CHRM2: variants seen among roughly 807,000 people sequenced by gnomAD.
CHRM2 encodes the protein cholinergic receptor muscarinic 2.
A neutral mutation model predicts 25.0 loss-of-function variants in CHRM2; 8 were observed. That is an observed-to-expected ratio of 0.32 (90% confidence interval 0.19 to 0.58). The LOEUF (loss-of-function observed/expected upper bound fraction) is 0.58. CHRM2 is among the 20% of genes least tolerant of loss of function. The probability of loss-of-function intolerance (pLI) is 0.88; values close to 1 mark genes in which losing one functional copy is unlikely to be tolerated. For synonymous variants in CHRM2, 202 were observed against 205.7 expected (o/e 0.98, Z 0.15); for missense variants, 440 against 567.1 (o/e 0.78, Z 2.28).
rs369225023 is a variant in CHRM2, at chr7:136,909,130, T to G, written c.-125+39712T>G. 5.9e-5 allele frequency among the ~76,000 whole-genome samples: 9 copies of G among 151,970 alleles called. No individual in the cohort carries two copies. The South Asian group carries it at 1.7e-3, about 28-fold the overall frequency. On this transcript the variant is annotated intron_variant, in intron 2 of 3. Transcript: ENST00000680005. ...GACATACATGAATCCCACTGGAATT[T>G]CATCTCATTGACATGGGAATTATTC...
rs1228288400 is a variant in CHRM2, at chr7:137,016,033, T to C, written c.1168T>C (p.Leu390=). 2 of 1,612,842 alleles carry C rather than the reference T, an allele frequency of 1.2e-6. No individual in the cohort carries two copies. The highest frequency in any genetic ancestry group is 1.7e-6 in the Non-Finnish European group (2 of 1,179,414). Residue 390 remains leucine, a synonymous_variant, in exon 4 of 4, where the codon TTG becomes CTG. Coordinates refer to ENST00000680005, the MANE Select transcript of CHRM2 (RefSeq NM_001006630.2). ...GGAAAAGAAAGTCACCAGGACAATC[T>C]TGGCTATTCTGTTGGCTTTCATCAT... ...SREKKVTRTI[L]AILLAFIITW...
chr7:136,940,330 G>A (rs1430538918), intron 2 of CHRM2, among the ~76,000 whole-genome samples: 1 of 152,212 alleles, frequency 6.6e-6, no homozygotes, highest in Non-Finnish European at 1.5e-5. Context: ...GCGTTGAACA[G>A]ATCAGAGAGG....
At chr7:136,938,898 A>C in intron 2 of CHRM2, among the ~76,000 whole-genome samples, 1 of 101,738 alleles carries the variant, frequency 9.8e-6, no homozygotes, top group African/African-American at 4.4e-5. Context: ...CCAAAATAAA[A>C]CTTCAGCTAG....
chr7:136,973,324 G>A (rs1285121945), intron 2 of CHRM2, among the ~76,000 whole-genome samples: 1 of 109,694 alleles, frequency 9.1e-6, no homozygotes. Flanking sequence ...ATGGTGGCAG[G>A]TGATGGTGAC....
chr7:136,881,604 A>G (rs1431632445), intron 2 of CHRM2, among the ~76,000 whole-genome samples: 1 of 151,938 alleles, frequency 6.6e-6, no homozygotes, highest in Non-Finnish European at 1.5e-5. Flanking sequence ...TCTTCCTTTA[A>G]CCCACCATAT....
At position 137,015,538 on chromosome 7, in the gene CHRM2, G is replaced by T. The variant is rs1161870506; in HGVS notation, c.673G>T (p.Val225Phe). 1 of 1,612,872 alleles carries T rather than the reference G, an allele frequency of 6.2e-7. No individual in the cohort carries two copies. The highest frequency in any genetic ancestry group is 1.3e-5 in the African/African-American group (1 of 74,852). The change falls in exon 4 of 4, where the codon GTT becomes TTT. Residue 225 changes from valine (V) to phenylalanine (F), a missense_variant. Physicochemically the swap from Val to Phe is conservative, Grantham distance 50. Around this residue, in one of 5 missense-constraint regions of CHRM2, gnomAD observed 261 missense variants for 261.8 expected, o/e 1.00. Transcript: ENST00000680005. This position sits in a 1 kb window ranked among gnomAD's most constrained non-coding sequence, Gnocchi z 5.1. ...GATAAAGAAGGACAAGAAGGAGCCT[G>T]TTGCCAACCAAGACCCCGTTTCTCC... The part of the protein sequence containing the change: ...SRIKKDKKEP[V>F]ANQDPVSPSL...
chr7:136,885,640 A>T (rs1796433890), intron 2 of CHRM2, among the ~76,000 whole-genome samples: 1 of 152,224 alleles, frequency 6.6e-6, no homozygotes, highest in Admixed American at 6.5e-5. Context: ...TATACTAGAC[A>T]TCTAGGATAC....
intron 2 of CHRM2, among the ~76,000 whole-genome samples, chr7:136,977,136 T>C (rs1047268987): frequency 2.0e-5 from 3 of 152,210 alleles, no homozygotes; most frequent in African/African-American, 7.2e-5. Context: ...ATGGCTTCCC[T>C]CTAAAGCAGA....
intron 2 of CHRM2, chr7:136,902,194 T>A (rs1797253282): frequency 6.7e-6 from 1 of 148,154 alleles, no homozygotes; most frequent in Non-Finnish European, 1.5e-5. Context: ...AACTCATCTA[T>A]CTATCTATCG....
intron 2 of CHRM2, among the ~76,000 whole-genome samples, chr7:136,934,669 T>C (rs190474949): frequency 6.6e-6 from 1 of 152,162 alleles, no homozygotes; most frequent in East Asian, 1.9e-4. Context: ...AAAAAAGATA[T>C]TGGAAGGATA....
At chr7:136,978,610 C>T (rs934377456) in intron 2 of CHRM2, among the ~76,000 whole-genome samples, 1 of 152,120 alleles carries the variant, frequency 6.6e-6, no homozygotes, top group African/African-American at 2.4e-5. Flanking sequence ...TTGACCCACA[C>T]CCCCCGACAG....
At chr7:136,892,352 T>C (rs1474279486) in intron 2 of CHRM2, among the ~76,000 whole-genome samples, 1 of 152,214 alleles carries the variant, frequency 6.6e-6, no homozygotes, top group Non-Finnish European at 1.5e-5. Context: ...TCTATAATTC[T>C]TCAATGAGAT....
At chr7:136,941,176 G>T (rs1199693816) in intron 2 of CHRM2, among the ~76,000 whole-genome samples, 1 of 152,050 alleles carries the variant, frequency 6.6e-6, no homozygotes, top group African/African-American at 2.4e-5. Flanking sequence ...AAATACTACC[G>T]CTGTTATATC....
At chr7:136,987,550 T>C (rs1802940577) in intron 2 of CHRM2, among the ~76,000 whole-genome samples, 1 of 152,240 alleles carries the variant, frequency 6.6e-6, no homozygotes, top group Non-Finnish European at 1.5e-5. Context: ...TTACTTAACA[T>C]GGTCCTCACA....
chr7:136,882,892 T>C (rs1034953451), intron 2 of CHRM2, among the ~76,000 whole-genome samples: 7 of 152,176 alleles, frequency 4.6e-5, no homozygotes, highest in Non-Finnish European at 8.8e-5. Flanking sequence ...ACATTGCATA[T>C]GATTTAAACA....
chr7:136,941,555 C>T (rs951668514), intron 2 of CHRM2, among the ~76,000 whole-genome samples: 1 of 152,158 alleles, frequency 6.6e-6, no homozygotes, highest in African/African-American at 2.4e-5. Context: ...GTTTCTTTCA[C>T]GCAGCCGAGA....
chr7:136,941,121 T>A (rs1376494313), intron 2 of CHRM2, among the ~76,000 whole-genome samples: 1 of 152,228 alleles, frequency 6.6e-6, no homozygotes, highest in Non-Finnish European at 1.5e-5. Flanking sequence ...TAAGCTTTTC[T>A]TAGTACAATT....
chr7:136,974,088 A>G (rs978899127), intron 2 of CHRM2, among the ~76,000 whole-genome samples: 2 of 152,142 alleles, frequency 1.3e-5, no homozygotes, highest in Non-Finnish European at 2.9e-5. Context: ...GCAATCATAA[A>G]TAAAATAAAT....
chr7:136,875,144 T>C (rs1796003068), intron 2 of CHRM2, among the ~76,000 whole-genome samples: 1 of 149,256 alleles, frequency 6.7e-6, no homozygotes, highest in Non-Finnish European at 1.5e-5. Flanking sequence ...TACACACACA[T>C]ACACACACAT....
Sources: allele counts gnomAD v4.1 joint callset (sites outside exome capture counted in the v4.1 genomes callset), GRCh38; gene constraint gnomAD v4.1.1; regional missense constraint gnomAD v4.1.1; non-coding constraint Gnocchi (gnomAD v3.1); transcripts MANE v1.5; gene names NCBI Gene and HGNC (gene_info 2026-07-23, HGNC 2026-07-21).